The following PDE3B variants were observed in gnomAD, a reference collection of about 807,000 sequenced individuals.
PDE3B encodes the protein cGMP-inhibited 3',5'-cyclic phosphodiesterase 3B.
In PDE3B, 66 loss-of-function variants were observed where a neutral mutation model predicts 116.8. The ratio of observed to expected loss-of-function variants is 0.56; its 90% CI spans 0.46 to 0.69. The LOEUF is 0.69. PDE3B is among the 30% of genes least tolerant of loss of function. The pLI is 0.00. For synonymous variants in PDE3B, 595 were observed against 533.6 expected, an observed-to-expected ratio of 1.12 and a Z score of -1.59; for missense variants, 1,384 against 1,368.1, an observed-to-expected ratio of 1.01 and a Z score of -0.18.
intron 1 of PDE3B, among the ~76,000 whole-genome samples, chr11:14,667,717 T>G (rs1854219146): frequency 1.3e-5 from 2 of 151,360 alleles, no homozygotes; most frequent in Non-Finnish European, 2.9e-5. Flanking sequence ...AGGGATAGCA[T>G]TAGGAGATAT....
chr11:14,711,253 T>C (rs1855693345), intron 1 of PDE3B, among the ~76,000 whole-genome samples: 4 of 152,156 alleles, frequency 2.6e-5, no homozygotes, highest in African/African-American at 9.7e-5. Context: ...TTGCAGTTAT[T>C]TGTTTTTAAT....
At chr11:14,772,970 T>C (rs1355910828) in intron 2 of PDE3B, 4 of 152,008 alleles carry the variant, frequency 2.6e-5, no homozygotes, top group Admixed American at 2.6e-4. Context: ...CTTTTTCTCA[T>C]GTTATTGTAC....
the PDE3B span, chr11:14,878,385 T>C: frequency 7.7e-7 from 1 of 1,292,982 alleles, no homozygotes; most frequent in Admixed American, 2.1e-5. Flanking sequence ...ATTCAGGAAA[T>C]CTGGAATTTA....
chr11:14,746,107 C>T (rs1455363266), intron 1 of PDE3B, among the ~76,000 whole-genome samples: 1 of 152,236 alleles, frequency 6.6e-6, no homozygotes, highest in Non-Finnish European at 1.5e-5. Context: ...GAGAGCCTGT[C>T]TTGGCCAGGT....
chr11:14,824,760 C>A (rs951577057), intron 7 of PDE3B, among the ~76,000 whole-genome samples: 1 of 152,118 alleles, frequency 6.6e-6, no homozygotes, highest in Non-Finnish European at 1.5e-5. Context: ...GAGGCCAACA[C>A]CCAAACTCAG....
rs553842185 is a variant in PDE3B, at chr11:14,821,937, C to G, written c.1807+2728C>G. On this transcript the variant is annotated intron_variant, in intron 7 of 15. Transcript: ENST00000282096. ...TTTTTTTTTTTGAGACAGAGTCTTA[C>G]TCTGTCATCCAGGCTAGAGAGTACA... 1.2e-3 allele frequency among the ~76,000 whole-genome samples: 185 copies of G among 148,494 alleles called. 1 individual carries two copies. The highest frequency in any genetic ancestry group is 2.4e-3 in the Non-Finnish European group (160 of 67,410).
chr11:14,867,459 G>A (rs1590204737), intron 14 of PDE3B, 47 bp from the exon 15 acceptor site: 6 of 1,555,886 alleles, frequency 3.9e-6, no homozygotes, highest in African/African-American at 2.7e-5. Context: ...GCTCAGTGGT[G>A]GTTCTTTCAC....
intron 7 of PDE3B, among the ~76,000 whole-genome samples, chr11:14,822,735 T>G (rs1859560708): frequency 6.6e-6 from 1 of 152,168 alleles, no homozygotes; most frequent in Non-Finnish European, 1.5e-5. Flanking sequence ...AGCTGCAACT[T>G]GGCAAAGTAG....
chr11:14,780,062 G>C (rs1319479420), intron 2 of PDE3B, among the ~76,000 whole-genome samples: 1 of 151,002 alleles, frequency 6.6e-6, no homozygotes, highest in Non-Finnish European at 1.5e-5. Flanking sequence ...AAGATCAGAA[G>C]AGACAAGGCC....
At chr11:14,748,195 A>G (rs1856964815) in intron 1 of PDE3B, among the ~76,000 whole-genome samples, 1 of 152,210 alleles carries the variant, frequency 6.6e-6, no homozygotes, top group Non-Finnish European at 1.5e-5. Context: ...TAAAATGTTG[A>G]GGATTACTTC....
intron 1 of PDE3B, among the ~76,000 whole-genome samples, chr11:14,737,869 T>C (rs1344760634): frequency 6.6e-6 from 1 of 150,520 alleles, no homozygotes; most frequent in African/African-American, 2.4e-5. Flanking sequence ...ACATGCGGTG[T>C]TTGGTTTTTT....
At chr11:14,756,956 C>T in intron 1 of PDE3B, among the ~76,000 whole-genome samples, 1 of 115,748 alleles carries the variant, frequency 8.6e-6, no homozygotes, top group Non-Finnish European at 1.7e-5. Flanking sequence ...TCCCCCCTCC[C>T]CCCACCCCAC....
chr11:14,834,407 A>G lies in PDE3B; in HGVS notation c.2207-575A>G, dbSNP rs185956712. ...AAAGTAGTGTTTCAGTTTTAGGTCT[A>G]TCTGAGTTCTGAAGCCTATACTCTT... is the stretch of plus-strand genomic sequence containing the variant. On this transcript the variant is annotated intron_variant, in intron 10 of 15. Coordinates refer to ENST00000282096, the MANE Select transcript of PDE3B (RefSeq NM_000922.4). Among the ~76,000 whole-genome samples, 6 of 152,344 alleles carry G rather than the reference A, an allele frequency of 3.9e-5. No homozygotes were observed. In the East Asian group the frequency reaches 7.7e-4, roughly 20 times the overall value.
intron 7 of PDE3B, among the ~76,000 whole-genome samples, chr11:14,823,564 C>T (rs138171434): frequency 8.2e-4 from 125 of 152,208 alleles, no homozygotes; most frequent in African/African-American, 2.7e-3. Context: ...CCTATTTCTC[C>T]TCACTGGGTG....
At chr11:14,816,305 A>G (rs1859330458) in intron 5 of PDE3B, among the ~76,000 whole-genome samples, 1 of 152,252 alleles carries the variant, frequency 6.6e-6, no homozygotes. Flanking sequence ...ACTGAGCACC[A>G]TAACCAAGTT....
chr11:14,832,400 T>G (rs892022392), intron 9 of PDE3B, among the ~76,000 whole-genome samples: 1 of 152,222 alleles, frequency 6.6e-6, no homozygotes, highest in African/African-American at 2.4e-5. Flanking sequence ...ATTTTGTTTT[T>G]AATACCCAGG....
At chr11:14,866,204 A>C (rs1409441228) in intron 14 of PDE3B, among the ~76,000 whole-genome samples, 1 of 152,190 alleles carries the variant, frequency 6.6e-6, no homozygotes, top group Non-Finnish European at 1.5e-5. Flanking sequence ...CATATATATC[A>C]CTAAAAACAA....
chr11:14,673,207 A>G (rs1462549238), intron 1 of PDE3B, among the ~76,000 whole-genome samples: 1 of 152,028 alleles, frequency 6.6e-6, no homozygotes, highest in African/African-American at 2.4e-5. Context: ...GTTCAGTTAT[A>G]TACACTGAAT....
intron 12 of PDE3B, among the ~76,000 whole-genome samples, chr11:14,858,434 G>A (rs782394346): frequency 3.9e-5 from 6 of 152,146 alleles, no homozygotes; most frequent in Non-Finnish European, 5.9e-5. Flanking sequence ...GGAGTGAAGT[G>A]TAGAAAAAGT....
Sources: gnomAD v4.1 joint callset for allele counts (sites outside exome capture counted in the v4.1 genomes callset) on GRCh38, gnomAD v4.1.1 for gene constraint, MANE v1.5 for transcripts, NCBI Gene and HGNC (gene_info 2026-07-23, HGNC 2026-07-21) for gene names.